The following CPEB3 variants were observed in gnomAD, a reference collection of about 807,000 sequenced individuals.
The protein encoded by CPEB3 is cytoplasmic polyadenylation element binding protein 3, also known as cytoplasmic polyadenylation element-binding protein 3.
A neutral mutation model predicts 67.2 loss-of-function variants in CPEB3; 20 were observed. That is an observed-to-expected ratio of 0.30 (90% CI 0.21 to 0.43). The LOEUF is 0.43. Ranked by LOEUF, CPEB3 falls within the 20% of genes least tolerant of loss-of-function variation. The pLI, the probability that CPEB3 is intolerant of heterozygous loss-of-function variation, is 1.00. For synonymous variants in CPEB3, 376 were observed against 393.1 expected (o/e 0.96, Z 0.51); for missense variants, 746 against 968.6 (o/e 0.77, Z 3.05).
At chr10:92,084,343 G>C (rs1162388732) in intron 8 of CPEB3, among the ~76,000 whole-genome samples, 1 of 152,024 alleles carries the variant, frequency 6.6e-6, no homozygotes, top group Non-Finnish European at 1.5e-5. Flanking sequence ...ATCTGCTTAT[G>C]CTCTTATGAC....
chr10:92,130,235 C>G (rs1845783279), intron 6 of CPEB3, among the ~76,000 whole-genome samples: 1 of 151,894 alleles, frequency 6.6e-6, no homozygotes, highest in Admixed American at 6.6e-5. Flanking sequence ...TCCATACTCC[C>G]AATCTAAACT....
Position 92,240,265 on chromosome 10 carries a change from T to G in CPEB3, c.86A>C (p.Glu29Ala). ...QQRQQQQPQP[E>A]SSVSEAPSTP... ...GGACGGGGCTTCGGATACGCTGGAC[T>G]CAGGTTGGGGCTGCTGCTGCTGCCG... Residue 29 changes from glutamate (E) to alanine (A), a missense_variant, in exon 2 of 10, where the codon GAG (glutamate) becomes GCG (alanine). This residue lies in a region of CPEB3 where 643 missense variants were observed against 717.5 expected (regional missense o/e 0.90). Transcript: ENST00000265997. 1 of 1,517,618 alleles carries G rather than the reference T, an allele frequency of 6.6e-7. No homozygotes were observed. The highest frequency in any genetic ancestry group is 2.2e-5 in the Admixed American group (1 of 45,078). 94.0% of individuals were successfully genotyped at this position (1,517,618 alleles called of 1,614,324 possible).
chr10:92,053,450 G>A (rs1233269216), intron 9 of CPEB3, among the ~76,000 whole-genome samples: 3 of 151,626 alleles, frequency 2.0e-5, no homozygotes, highest in Non-Finnish European at 4.4e-5. Context: ...TGCAAACTCT[G>A]CCTCCCAGGT....
intron 8 of CPEB3, among the ~76,000 whole-genome samples, chr10:92,081,723 T>C (rs983472405): frequency 6.6e-6 from 1 of 152,214 alleles, no homozygotes; most frequent in Non-Finnish European, 1.5e-5. Context: ...ATTTACAACA[T>C]ACACACAAGA....
Position 92,050,113 on chromosome 10 carries a change from A to G in CPEB3, c.*2099T>C, listed in dbSNP as rs897778661. 11 of 152,516 alleles carry G rather than the reference A, an allele frequency of 7.2e-5. No homozygotes were observed. The highest frequency in any genetic ancestry group is 2.7e-4 in the African/African-American group (11 of 41,442). 9.4% of individuals were successfully genotyped at this position (152,516 alleles called of 1,614,324 possible). A position where few individuals can be genotyped will look rare whatever the true frequency, so the allele number is the denominator to read the frequency against. ...ACTTTTGAAAACTGTCTAGAATACA[A>G]AAAGTAGTAGTGCATAACAAAATTT... On this transcript the variant is annotated 3_prime_UTR_variant, in exon 10 of 10. Coordinates refer to ENST00000265997, the MANE Select transcript of CPEB3 (RefSeq NM_014912.5).
rs768962869 is a variant in CPEB3 at position 92,209,941 on chromosome 10, C to CAAAA, written c.1006-17309_1006-17306dup. 1.3e-3 allele frequency among the ~76,000 whole-genome samples: 79 copies of CAAAA among 58,838 alleles called. 1 individual carries two copies. Among genetic ancestry groups the CAAAA allele is most frequent in the Non-Finnish European group, 1.6e-3 (53 of 32,506 alleles). The allele number at this position is 58,838 out of a possible 152,430, so 38.6% of individuals were successfully genotyped here. A position where few individuals can be genotyped will look rare whatever the true frequency, so the allele number is the denominator to read the frequency against. On this transcript the variant is annotated intron_variant, in intron 2 of 9. Coordinates refer to ENST00000265997, the MANE Select transcript of CPEB3 (RefSeq NM_014912.5). ...TGGGCGACAGAGCTAGGCTCTGTCT[C>CAAAA]AAAAAAAAAAAAAAAAAAAAAAGTG... is the stretch of plus-strand genomic sequence containing the variant.
At position 92,281,811 on chromosome 10, in the gene CPEB3, C is replaced by T. The variant is rs59685180; in HGVS notation, c.-12+9115G>A. Among the ~76,000 whole-genome samples the T allele has an allele frequency of 7.0e-3, 1,070 of 152,280 alleles. 10 individuals carry two copies. Among genetic ancestry groups the T allele is most frequent in the African/African-American group, 0.024 (1,013 of 41,544 alleles). On this transcript the variant is annotated intron_variant, in intron 1 of 9. Coordinates refer to ENST00000265997, the MANE Select transcript of CPEB3 (RefSeq NM_014912.5). ...ATGGTAATGAAAACTATGATCATTA[C>T]TACTATTGGTTCCAATGTCTTGAAT...
At chr10:92,266,969 G>A (rs1175851977) in intron 1 of CPEB3, among the ~76,000 whole-genome samples, 1 of 152,132 alleles carries the variant, frequency 6.6e-6, no homozygotes, top group African/African-American at 2.4e-5. Context: ...AGGAGGCGGA[G>A]GTTGCAGTGA....
intron 7 of CPEB3, among the ~76,000 whole-genome samples, chr10:92,097,053 T>C (rs1843913419): frequency 6.6e-6 from 1 of 152,116 alleles, no homozygotes; most frequent in Admixed American, 6.5e-5. Context: ...CAAATGACCA[T>C]AGGGTCAGAC....
At position 92,239,889 on chromosome 10, in the gene CPEB3, C is replaced by A; in HGVS notation, c.462G>T (p.Gln154His). The change falls in exon 2 of 10, where the codon CAG becomes CAT. Residue 154 changes from glutamine to histidine, a missense_variant. This residue lies in a region of CPEB3 where 643 missense variants were observed against 717.5 expected (regional missense o/e 0.90). Transcript: ENST00000265997. The surrounding 1 kb of genome is among the most constrained non-coding windows in gnomAD (Gnocchi z 6.0). ...GGTGCTGGGTCTGCGCCAGGCCGAT[C>A]TGCGGGGAGAAAGTGCCTCCGAAGA... ...NPVFGGTFSPQIGLAQTQHHQ... is the reference protein window; with the variant it reads ...NPVFGGTFSPHIGLAQTQHHQ... 1.2e-6 allele frequency: 2 copies of A among 1,612,026 alleles called. No individual in the cohort carries two copies. The highest frequency in any genetic ancestry group is 1.7e-6 in the Non-Finnish European group (2 of 1,179,160).
At chr10:92,176,582 T>C (rs1848228925) in intron 4 of CPEB3, among the ~76,000 whole-genome samples, 1 of 152,266 alleles carries the variant, frequency 6.6e-6, no homozygotes, top group African/African-American at 2.4e-5. Context: ...CAGTTTCTGC[T>C]TTTGTACCTA....
At chr10:92,073,038 CTTTTTTTTTTT>C (rs546510647) in intron 9 of CPEB3, among the ~76,000 whole-genome samples, 181 of 61,278 alleles carry the variant, frequency 3.0e-3, no homozygotes, top group African/African-American at 0.013. Flanking sequence ...GAATCTCTGT[CTTTTTTTTTTT>C]TTTTTTTTTT....
At chr10:92,214,488 A>T (rs1564874110) in intron 2 of CPEB3, among the ~76,000 whole-genome samples, 1 of 147,802 alleles carries the variant, frequency 6.8e-6, no homozygotes, top group East Asian at 2.0e-4. Context: ...ATACCACTCA[A>T]TTTTTTTTTT....
chr10:92,175,937 A>C (rs1197062490), intron 4 of CPEB3, among the ~76,000 whole-genome samples: 1 of 152,114 alleles, frequency 6.6e-6, no homozygotes, highest in Non-Finnish European at 1.5e-5. Flanking sequence ...TAAAAATACA[A>C]AAAATTAGCC....
chr10:92,208,552 C>A (rs930793606), intron 2 of CPEB3, among the ~76,000 whole-genome samples: 2 of 151,350 alleles, frequency 1.3e-5, no homozygotes, highest in Non-Finnish European at 2.9e-5. Flanking sequence ...GGAAGTTGGG[C>A]AATGTGTCTG....
At chr10:92,110,990 G>T (rs908433608) in intron 7 of CPEB3, 86 bp downstream of exon 7, 2 of 981,024 alleles carry the variant, frequency 2.0e-6, no homozygotes, top group East Asian at 2.4e-5. Flanking sequence ...CTAGTTACCA[G>T]CATTTCCATT....
chr10:92,214,534 G>A (rs1163072540), intron 2 of CPEB3, among the ~76,000 whole-genome samples: 7 of 152,026 alleles, frequency 4.6e-5, no homozygotes, highest in Non-Finnish European at 8.8e-5. Context: ...GCAGGCTGGA[G>A]TGCAGTGGCG....
intron 6 of CPEB3, among the ~76,000 whole-genome samples, chr10:92,142,803 G>A (rs1028263174): frequency 1.3e-5 from 2 of 152,126 alleles, no homozygotes; most frequent in Admixed American, 1.3e-4. Flanking sequence ...CAGACTTCCA[G>A]GGTCTCACTG....
At chr10:92,234,969 T>C (rs1851458214) in intron 2 of CPEB3, among the ~76,000 whole-genome samples, 2 of 152,060 alleles carry the variant, frequency 1.3e-5, no homozygotes, top group African/African-American at 2.4e-5. Context: ...AGAATGACAA[T>C]AGTCCTCCTA....
Sources: allele counts gnomAD v4.1 joint callset (sites outside exome capture counted in the v4.1 genomes callset), GRCh38; gene constraint gnomAD v4.1.1; regional missense constraint gnomAD v4.1.1; non-coding constraint Gnocchi (gnomAD v3.1); transcripts MANE v1.5; gene names NCBI Gene and HGNC (gene_info 2026-07-23, HGNC 2026-07-21).